Variants in MYT1L observed in about 807,000 individuals in gnomAD.
MYT1L encodes myelin transcription factor 1-like protein.
Under a neutral mutation model 126.7 loss-of-function variants are expected in MYT1L, and 12 were observed. That is an observed-to-expected ratio of 0.09 (90% CI 0.06 to 0.15). The LOEUF (loss-of-function observed/expected upper bound fraction) is 0.15, where lower values mean the gene tolerates loss of function less well. MYT1L is among the 10% of genes least tolerant of loss of function. The probability of loss-of-function intolerance (pLI) is 1.00; values close to 1 mark genes in which losing one functional copy is unlikely to be tolerated. For synonymous variants in MYT1L, 541 were observed against 604.2 expected, an observed-to-expected ratio of 0.90 and a Z score of 1.53; for missense variants, 979 against 1,585.2, an observed-to-expected ratio of 0.62 and a Z score of 6.49.
chr2:2,075,338 G>T (rs977231844), intron 3 of MYT1L, among the ~76,000 whole-genome samples: 4 of 152,138 alleles, frequency 2.6e-5, no homozygotes, highest in Non-Finnish European at 5.9e-5. Context: ...TCCTCTTGAT[G>T]GGTGGAAGAT....
At chr2:2,328,680 G>T (rs916391599) in intron 1 of MYT1L, among the ~76,000 whole-genome samples, 17 of 152,124 alleles carry the variant, frequency 1.1e-4, no homozygotes, top group African/African-American at 4.1e-4. Context: ...TTTCAAAGAT[G>T]AATTTTATTA....
chr2:2,024,054 T>A (rs933937353), intron 4 of MYT1L, among the ~76,000 whole-genome samples: 1 of 152,214 alleles, frequency 6.6e-6, no homozygotes, highest in African/African-American at 2.4e-5. Context: ...TTAAAATACT[T>A]CTCTCAAAAC....
chr2:1,997,732 G>A (rs1051961466), intron 4 of MYT1L, among the ~76,000 whole-genome samples: 8 of 152,102 alleles, frequency 5.3e-5, no homozygotes, highest in African/African-American at 9.7e-5. Context: ...GACTCAGCCC[G>A]TGTGGCAGCA....
chr2:2,234,149 C>G (rs1358996553), intron 2 of MYT1L, among the ~76,000 whole-genome samples: 3 of 152,188 alleles, frequency 2.0e-5, no homozygotes, highest in African/African-American at 7.2e-5. Context: ...AATGTACACT[C>G]ATTATTCTAC....
intron 1 of MYT1L, among the ~76,000 whole-genome samples, chr2:2,319,828 G>A (rs1165293440): frequency 6.6e-6 from 1 of 151,854 alleles, no homozygotes; most frequent in Non-Finnish European, 1.5e-5. Context: ...TTGTGGGGCA[G>A]AAATTTGTTA....
intron 8 of MYT1L, among the ~76,000 whole-genome samples, chr2:1,967,072 T>A (rs1401373501): frequency 1.3e-5 from 2 of 152,208 alleles, no homozygotes; most frequent in East Asian, 3.8e-4. Context: ...ACGGATGAAT[T>A]GTGACAACAG....
At chr2:1,909,838 G>A (rs1013046892) in intron 13 of MYT1L, among the ~76,000 whole-genome samples, 2 of 152,136 alleles carry the variant, frequency 1.3e-5, no homozygotes, top group South Asian at 2.1e-4. Context: ...CCCTGGCATC[G>A]TCAGAAACAT....
At chr2:2,265,192 A>G (rs992577074) in intron 2 of MYT1L, among the ~76,000 whole-genome samples, 3 of 151,602 alleles carry the variant, frequency 2.0e-5, no homozygotes, top group Admixed American at 6.6e-5. Flanking sequence ...ATTTTTTTGT[A>G]ATTTTAGTAG....
intron 2 of MYT1L, among the ~76,000 whole-genome samples, chr2:2,271,156 GT>G (rs1388153344): frequency 6.6e-6 from 1 of 152,154 alleles, no homozygotes; most frequent in East Asian, 1.9e-4. Context: ...TAACCCTTTT[GT>G]TTTTCTCTGT....
intron 4 of MYT1L, among the ~76,000 whole-genome samples, chr2:2,012,708 G>C (rs1358812696): frequency 1.3e-5 from 2 of 152,172 alleles, no homozygotes; most frequent in East Asian, 3.9e-4. Context: ...AGTTCCATCT[G>C]GCTGGGACAT....
chr2:2,276,361 G>T (rs949933458), intron 2 of MYT1L, among the ~76,000 whole-genome samples: 4 of 152,270 alleles, frequency 2.6e-5, no homozygotes, highest in Non-Finnish European at 4.4e-5. Context: ...GAAGTTTCTC[G>T]ATTCTGCCTA....
intron 2 of MYT1L, among the ~76,000 whole-genome samples, chr2:2,220,042 G>A (rs2093811827): frequency 6.6e-6 from 1 of 152,128 alleles, no homozygotes; most frequent in Non-Finnish European, 1.5e-5. Context: ...TTTGCACAGT[G>A]AGTGGAGAAG....
intron 21 of MYT1L, among the ~76,000 whole-genome samples, chr2:1,814,907 G>A (rs1415797601): frequency 6.6e-6 from 1 of 152,206 alleles, no homozygotes; most frequent in Non-Finnish European, 1.5e-5. Context: ...AGGAGCTCCA[G>A]GGAGAAGTGA....
intron 4 of MYT1L, among the ~76,000 whole-genome samples, chr2:2,048,105 C>T (rs115836811): frequency 0.033 from 4,950 of 152,210 alleles, 134 homozygotes; most frequent in Non-Finnish European, 0.05. Flanking sequence ...CTCCTCCATC[C>T]GTGTTACTGC....
intron 21 of MYT1L, among the ~76,000 whole-genome samples, chr2:1,814,110 T>C (rs1013584216): frequency 6.6e-6 from 1 of 151,676 alleles, no homozygotes; most frequent in African/African-American, 2.4e-5. Flanking sequence ...CTGTCCTAGA[T>C]GGCCTTTGCG....
intron 3 of MYT1L, among the ~76,000 whole-genome samples, chr2:2,068,081 C>T (rs1007598382): frequency 1.1e-4 from 17 of 152,120 alleles, no homozygotes; most frequent in African/African-American, 3.1e-4. Context: ...ATAATGGTGT[C>T]GGGGCCTGCT....
At chr2:2,104,015 G>T (rs1575179670) in intron 3 of MYT1L, among the ~76,000 whole-genome samples, 1 of 152,190 alleles carries the variant, frequency 6.6e-6, no homozygotes, top group East Asian at 1.9e-4. Context: ...GCTCTCAGTA[G>T]CATTTGTGAG....
intron 2 of MYT1L, among the ~76,000 whole-genome samples, chr2:2,196,747 A>G (rs777010962): frequency 6.6e-6 from 1 of 151,978 alleles, no homozygotes; most frequent in Non-Finnish European, 1.5e-5. Flanking sequence ...AAAGTTATAG[A>G]CAGAATAAAG....
intron 3 of MYT1L, among the ~76,000 whole-genome samples, chr2:2,163,522 G>C (rs1478025548): frequency 1.3e-5 from 2 of 151,528 alleles, no homozygotes; most frequent in Non-Finnish European, 2.9e-5. Context: ...TCAGGAGATC[G>C]AGACCATCCT....
Sources: allele counts gnomAD v4.1 joint callset (sites outside exome capture counted in the v4.1 genomes callset), GRCh38; gene constraint gnomAD v4.1.1; transcripts MANE v1.5; gene names NCBI Gene and HGNC (gene_info 2026-07-23, HGNC 2026-07-21).